Variants in GPC5 observed in about 807,000 individuals in gnomAD.
The protein encoded by GPC5 is glypican 5, also known as glypican-5.
Under a neutral mutation model 53.9 loss-of-function variants are expected in GPC5, and 47 were observed. That is an observed-to-expected ratio of 0.87 (90% CI 0.69 to 1.11). The LOEUF (loss-of-function observed/expected upper bound fraction) is 1.11, where lower values mean the gene tolerates loss of function less well. Ranked by LOEUF, GPC5 falls within the 50% of genes most tolerant of loss-of-function variation. The pLI, the probability that GPC5 is intolerant of heterozygous loss-of-function variation, is 0.00. For missense variants in GPC5, 748 were observed against 713.1 expected (o/e 1.05, Z -0.56); for synonymous variants, 286 against 263.3 (o/e 1.09, Z -0.84).
At chr13:92,312,595 TTGAA>T (rs1417213885) in intron 7 of GPC5, among the ~76,000 whole-genome samples, 41 of 152,328 alleles carry the variant, frequency 2.7e-4, no homozygotes, top group African/African-American at 9.6e-4. Context: ...TGATTAATAG[TTGAA>T]TGAAATCCAT....
intron 5 of GPC5, among the ~76,000 whole-genome samples, chr13:91,813,462 G>A (rs925452139): frequency 1.3e-5 from 2 of 152,222 alleles, no homozygotes; most frequent in Admixed American, 1.3e-4. Context: ...GAATGACAGT[G>A]AGAACCTCCA....
intron 7 of GPC5, among the ~76,000 whole-genome samples, chr13:92,222,982 A>C (rs1234904128): frequency 2.0e-5 from 3 of 152,092 alleles, no homozygotes; most frequent in Admixed American, 2.0e-4. Flanking sequence ...TTTATTGAAA[A>C]ATATTTTATG....
intron 7 of GPC5, among the ~76,000 whole-genome samples, chr13:92,596,024 C>T (rs1883869819): frequency 6.6e-6 from 1 of 152,132 alleles, no homozygotes; most frequent in Admixed American, 6.5e-5. Context: ...ACAAAAATTT[C>T]ATACTTGTTT....
At chr13:91,689,557 T>C (rs1323570013) in intron 2 of GPC5, among the ~76,000 whole-genome samples, 2 of 151,362 alleles carry the variant, frequency 1.3e-5, no homozygotes, top group Non-Finnish European at 2.9e-5. Context: ...GACAAACTCA[T>C]TGTACAAAAA....
intron 7 of GPC5, among the ~76,000 whole-genome samples, chr13:92,354,594 G>A (rs996668914): frequency 6.6e-6 from 1 of 152,116 alleles, no homozygotes; most frequent in Non-Finnish European, 1.5e-5. Flanking sequence ...GCTAGAGCAA[G>A]AACTAAATAA....
At chr13:92,109,021 G>A (rs1425702102) in intron 6 of GPC5, among the ~76,000 whole-genome samples, 2 of 133,332 alleles carry the variant, frequency 1.5e-5, no homozygotes, top group African/African-American at 2.8e-5. Flanking sequence ...CTGCCTTGCT[G>A]TTTTCTTGTA....
intron 7 of GPC5, among the ~76,000 whole-genome samples, chr13:92,593,452 T>C (rs1252032292): frequency 2.6e-5 from 4 of 151,158 alleles, no homozygotes; most frequent in African/African-American, 9.7e-5. Context: ...AAAATGTTAA[T>C]GTTTATGAGA....
intron 7 of GPC5, among the ~76,000 whole-genome samples, chr13:92,640,972 G>C (rs115732055): frequency 0.014 from 2,187 of 151,874 alleles, 54 homozygotes; most frequent in African/African-American, 0.049. Context: ...AGTAGTAATG[G>C]GGTGGCGGGG....
intron 7 of GPC5, among the ~76,000 whole-genome samples, chr13:92,543,338 C>G (rs1028758112): frequency 1.3e-5 from 2 of 151,964 alleles, no homozygotes; most frequent in African/African-American, 4.8e-5. Flanking sequence ...ATTTCTCATT[C>G]AGATCATGAA....
chr13:92,451,286 G>A lies in GPC5; in HGVS notation c.1561+306297G>A, dbSNP rs576957898. ...GCCAGAAGCCTGAATCACAAATTTA[G>A]CAGTGCATTACAAATCAGTTAACTG... On this transcript the variant is annotated intron_variant, in intron 7 of 7. Transcript: ENST00000377067. Among the ~76,000 whole-genome samples the A allele has an allele frequency of 1.8e-4, 27 of 152,182 alleles. 1 individual carries two copies. In the South Asian group the frequency reaches 5.6e-3, roughly 32 times the overall value.
At chr13:91,851,397 G>A (rs1325193379) in intron 5 of GPC5, among the ~76,000 whole-genome samples, 1 of 152,106 alleles carries the variant, frequency 6.6e-6, no homozygotes, top group Non-Finnish European at 1.5e-5. Context: ...AGGCGAGTCA[G>A]TAAGTAGTGA....
chr13:91,458,733 G>T (rs1488643624), intron 2 of GPC5, among the ~76,000 whole-genome samples: 1 of 152,082 alleles, frequency 6.6e-6, no homozygotes, highest in African/African-American at 2.4e-5. Context: ...GTCATTATAT[G>T]AAAAAGACAC....
intron 7 of GPC5, chr13:92,240,502 G>C (rs1315513632): frequency 6.6e-6 from 1 of 151,906 alleles, no homozygotes; most frequent in East Asian, 1.9e-4. Flanking sequence ...TAATCTTTTT[G>C]TTTTGTTGTG....
intron 7 of GPC5, among the ~76,000 whole-genome samples, chr13:92,623,337 A>G (rs1478531614): frequency 2.6e-5 from 4 of 152,174 alleles, no homozygotes; most frequent in African/African-American, 4.8e-5. Flanking sequence ...AGAGTTAAAT[A>G]TTTTTGGAAC....
chr13:92,384,070 A>G (rs1241941756), intron 7 of GPC5, among the ~76,000 whole-genome samples: 2 of 152,070 alleles, frequency 1.3e-5, no homozygotes, highest in South Asian at 2.1e-4. Flanking sequence ...AATACTTTCA[A>G]TTAAACATAT....
rs897042012 is a variant in GPC5 at position 92,507,095 on chromosome 13, A to G, written c.1562-359187A>G. Among the ~76,000 whole-genome samples, 6 of 152,274 alleles carry G rather than the reference A, an allele frequency of 3.9e-5. No individual in the cohort carries two copies. In the East Asian group the frequency reaches 5.8e-4, roughly 15 times the overall value. ...GAATATTCTTGCCTCATTACTCACC[A>G]TAATCATTTCTACCCTTTCTTCTAG... On this transcript the variant is annotated intron_variant, in intron 7 of 7. Transcript: ENST00000377067.
chr13:92,332,472 A>G (rs558350259), intron 7 of GPC5, among the ~76,000 whole-genome samples: 16 of 152,332 alleles, frequency 1.1e-4, no homozygotes, highest in African/African-American at 3.8e-4. Flanking sequence ...AATATAGCCT[A>G]TGACAATTCA....
chr13:91,620,392 A>G (rs919065543), intron 2 of GPC5, among the ~76,000 whole-genome samples: 3 of 152,126 alleles, frequency 2.0e-5, no homozygotes, highest in African/African-American at 7.2e-5. Flanking sequence ...ATGTTTGCAA[A>G]TGTTAATGTA....
chr13:92,503,005 A>C (rs1158235190), intron 7 of GPC5, among the ~76,000 whole-genome samples: 1 of 151,964 alleles, frequency 6.6e-6, no homozygotes, highest in Non-Finnish European at 1.5e-5. Context: ...TACAATAATA[A>C]TCAACTAAAT....
Sources: allele counts gnomAD v4.1 joint callset (sites outside exome capture counted in the v4.1 genomes callset), GRCh38; gene constraint gnomAD v4.1.1; transcripts MANE v1.5; gene names NCBI Gene and HGNC (gene_info 2026-07-23, HGNC 2026-07-21).